Variants in ZNHIT6 observed in about 807,000 individuals in gnomAD.
The protein encoded by ZNHIT6 is box C/D snoRNA protein 1.
Under a neutral mutation model 57.2 loss-of-function variants are expected in ZNHIT6, and 45 were observed. The ratio of observed to expected loss-of-function variants is 0.79; its 90% CI spans 0.62 to 1.01. ZNHIT6 has a LOEUF of 1.01. ZNHIT6 is among the 50% of genes least tolerant of loss of function. The pLI is 0.00. For missense variants in ZNHIT6, 528 were observed against 567.3 expected (o/e 0.93, Z 0.70); for synonymous variants, 188 against 190.0 (o/e 0.99, Z 0.09).
intron 7 of ZNHIT6, among the ~76,000 whole-genome samples, chr1:85,678,194 G>A (rs1661760653): frequency 6.6e-6 from 1 of 152,126 alleles, no homozygotes; most frequent in Non-Finnish European, 1.5e-5. Context: ...CTGGACAGGA[G>A]GCAGAGTGTA....
intron 5 of ZNHIT6, 81 bp from the exon 6 acceptor site, chr1:85,680,985 TTAAGA>T (rs1661859497): frequency 2.9e-6 from 3 of 1,024,978 alleles, no homozygotes; most frequent in Middle Eastern, 2.1e-4. Flanking sequence ...AATTTTCACT[TTAAGA>T]TAATTCCAAA....
Position 85,652,236 on chromosome 1 carries a change from T to C in ZNHIT6, c.*1822A>G, listed in dbSNP as rs1660931269. The stretch of plus-strand genomic sequence containing the variant: ...TATCCACCCTCATATTCAGATCATA[T>C]TCAGATCGCAAGTTCTTTTTGTATA... On this transcript the variant is annotated 3_prime_UTR_variant, in exon 10 of 10. Coordinates refer to ENST00000370574, the MANE Select transcript of ZNHIT6 (RefSeq NM_017953.4). The C allele has an allele frequency of 6.6e-6, 1 of 152,180 alleles. No individual in the cohort carries two copies. The allele number at this position is 152,180 out of a possible 1,614,324, so 9.4% of individuals were successfully genotyped here. A position where few individuals can be genotyped will look rare whatever the true frequency, so the allele number is the denominator to read the frequency against.
intron 5 of ZNHIT6, among the ~76,000 whole-genome samples, chr1:85,685,222 G>GAT (rs1177810129): frequency 2.6e-5 from 4 of 151,890 alleles, no homozygotes; most frequent in Non-Finnish European, 5.9e-5. Context: ...GTCAAGTAAT[G>GAT]ATATATATAT....
intron 9 of ZNHIT6, among the ~76,000 whole-genome samples, chr1:85,656,101 T>C (rs1345274007): frequency 6.6e-6 from 1 of 152,130 alleles, no homozygotes; most frequent in East Asian, 1.9e-4. Flanking sequence ...CTCATCAAGG[T>C]ATCACCCTGC....
intron 7 of ZNHIT6, among the ~76,000 whole-genome samples, chr1:85,678,074 G>T (rs1342488187): frequency 6.6e-6 from 1 of 152,116 alleles, no homozygotes; most frequent in African/African-American, 2.4e-5. Flanking sequence ...TAAGTAACTT[G>T]CTCTTAATCA....
chr1:85,660,210 A>C (rs1015407563), intron 8 of ZNHIT6, among the ~76,000 whole-genome samples: 2 of 152,206 alleles, frequency 1.3e-5, no homozygotes, highest in African/African-American at 4.8e-5. Flanking sequence ...AATGGTGATA[A>C]CTAAATTTTT....
chr1:85,698,849 T>C (rs1453492377), intron 5 of ZNHIT6, among the ~76,000 whole-genome samples: 1 of 152,090 alleles, frequency 6.6e-6, no homozygotes, highest in Non-Finnish European at 1.5e-5. Flanking sequence ...CCCAGACCTA[T>C]GAGGGGTGAA....
chr1:85,689,819 GA>G (rs1342608194), intron 5 of ZNHIT6, among the ~76,000 whole-genome samples: 3 of 152,022 alleles, frequency 2.0e-5, no homozygotes, highest in Admixed American at 2.0e-4. Context: ...CAAGGAATGG[GA>G]AATTCCTACA....
intron 5 of ZNHIT6, among the ~76,000 whole-genome samples, chr1:85,688,108 G>C (rs940475896): frequency 6.6e-6 from 1 of 151,952 alleles, no homozygotes; most frequent in Non-Finnish European, 1.5e-5. Flanking sequence ...TTACCAGAGA[G>C]CACAGCAAGT....
intron 8 of ZNHIT6, among the ~76,000 whole-genome samples, chr1:85,676,971 T>C (rs1285215850): frequency 2.0e-5 from 3 of 152,164 alleles, no homozygotes; most frequent in South Asian, 4.1e-4. Flanking sequence ...TAAACCACAA[T>C]AGAACAAATA....
intron 9 of ZNHIT6, among the ~76,000 whole-genome samples, chr1:85,654,819 C>T (rs892599791): frequency 7.9e-5 from 12 of 152,160 alleles, no homozygotes; most frequent in Non-Finnish European, 1.3e-4. Flanking sequence ...GGTAGTAACT[C>T]TTTAAAAATT....
At position 85,703,359 on chromosome 1, in the gene ZNHIT6, A is replaced by T. The variant is rs182606923; in HGVS notation, c.916-1099T>A. Among the ~76,000 whole-genome samples the T allele has an allele frequency of 3.3e-5, 5 of 152,296 alleles. No individual in the cohort carries two copies. The South Asian group carries it at 1.0e-3, about 32-fold the overall frequency. ...ACTGAATAGCCATACTCTAGAAAAAAAGTGGGAGGACTTAATCAGATAACA... is the reference window on the plus strand; with the variant it reads ...ACTGAATAGCCATACTCTAGAAAAATAGTGGGAGGACTTAATCAGATAACA... On this transcript the variant is annotated intron_variant, in intron 4 of 9. Transcript: ENST00000370574.
chr1:85,707,523 G>A, intron 1 of ZNHIT6, 106 bp downstream of exon 1: 1 of 1,316,616 alleles, frequency 7.6e-7, no homozygotes, highest in Non-Finnish European at 1.0e-6. Flanking sequence ...CCAAACTTGT[G>A]CTCATTTTTC....
chr1:85,682,157 G>A (rs1188714155), intron 5 of ZNHIT6, among the ~76,000 whole-genome samples: 1 of 148,236 alleles, frequency 6.7e-6, no homozygotes, highest in African/African-American at 2.5e-5. Context: ...GACTACAGGT[G>A]CTCGCCACCA....
intron 1 of ZNHIT6, 106 bp downstream of exon 1, chr1:85,707,523 G>C: frequency 7.6e-7 from 1 of 1,316,616 alleles, no homozygotes; most frequent in South Asian, 1.7e-5. Flanking sequence ...CCAAACTTGT[G>C]CTCATTTTTC....
chr1:85,686,136 TA>T (rs953925565), intron 5 of ZNHIT6, among the ~76,000 whole-genome samples: 1 of 151,758 alleles, frequency 6.6e-6, no homozygotes, highest in African/African-American at 2.4e-5. Context: ...TAATTCTTTG[TA>T]TTTTTAGTAG....
chr1:85,666,726 G>A (rs1452271740), intron 8 of ZNHIT6, among the ~76,000 whole-genome samples: 1 of 152,136 alleles, frequency 6.6e-6, no homozygotes, highest in Admixed American at 6.6e-5. Flanking sequence ...TTCCATCACT[G>A]GAAGAGTATC....
intron 8 of ZNHIT6, among the ~76,000 whole-genome samples, chr1:85,675,533 T>C (rs1262932540): frequency 2.0e-5 from 3 of 152,168 alleles, no homozygotes; most frequent in Non-Finnish European, 4.4e-5. Flanking sequence ...TTTAGCATAA[T>C]TCTTAAGGGC....
At position 85,650,045 on chromosome 1, in the gene ZNHIT6, G is replaced by C. The variant is rs953150234; in HGVS notation, c.*4013C>G. On this transcript the variant is annotated 3_prime_UTR_variant, in exon 10 of 10. Coordinates refer to ENST00000370574, the MANE Select transcript of ZNHIT6 (RefSeq NM_017953.4). ...AGGGTGCAATGAATGTGTTACTTTCGTATTCCCAGTAACTACCTTTCCTCA... is the reference window on the plus strand; with the variant it reads ...AGGGTGCAATGAATGTGTTACTTTCCTATTCCCAGTAACTACCTTTCCTCA... 1 of 152,112 alleles carries C rather than the reference G, an allele frequency of 6.6e-6. No homozygotes were observed. Among genetic ancestry groups the C allele is most frequent in the South Asian group, 2.1e-4 (1 of 4,826 alleles). The allele number at this position is 152,112 out of a possible 1,614,324, so 9.4% of individuals were successfully genotyped here. A position where few individuals can be genotyped will look rare whatever the true frequency, so the allele number is the denominator to read the frequency against.
Sources: allele counts gnomAD v4.1 joint callset (sites outside exome capture counted in the v4.1 genomes callset), GRCh38; gene constraint gnomAD v4.1.1; transcripts MANE v1.5; gene names NCBI Gene and HGNC (gene_info 2026-07-23, HGNC 2026-07-21).